The following STEAP4 variants were observed in gnomAD, a reference collection of about 807,000 sequenced individuals.
The protein encoded by STEAP4 is metalloreductase STEAP4.
STEAP4 carries 36 observed loss-of-function variants against 43.6 expected under a neutral mutation model. The observed-to-expected ratio is 0.83, with a 90% CI of 0.63 to 1.09. The LOEUF is 1.09. Ranked by LOEUF, STEAP4 falls within the 50% of genes least tolerant of loss-of-function variation. The pLI, the probability that STEAP4 is intolerant of heterozygous loss-of-function variation, is 0.00. For synonymous variants in STEAP4, 191 were observed against 196.7 expected, an observed-to-expected ratio of 0.97 and a Z score of 0.24; for missense variants, 495 against 546.5, an observed-to-expected ratio of 0.91 and a Z score of 0.94.
chr7:88,305,166 G>C (rs971089500), intron 1 of STEAP4, among the ~76,000 whole-genome samples: 1 of 152,164 alleles, frequency 6.6e-6, no homozygotes, highest in African/African-American at 2.4e-5. Flanking sequence ...CTTCAACAAT[G>C]TGAACAACGT....
intron 1 of STEAP4, among the ~76,000 whole-genome samples, chr7:88,294,323 A>G (rs1056232209): frequency 6.6e-6 from 1 of 152,124 alleles, no homozygotes; most frequent in Non-Finnish European, 1.5e-5. Context: ...GGTGTATATG[A>G]AACATAAATT....
Position 88,278,993 on chromosome 7 carries a change from T to A in STEAP4, c.*405A>T, listed in dbSNP as rs1448220765. 5 of 198,092 alleles carry A rather than the reference T, an allele frequency of 2.5e-5. No individual in the cohort carries two copies. Among genetic ancestry groups the A allele is most frequent in the African/African-American group, 1.2e-4 (5 of 42,966 alleles). 12.3% of individuals were successfully genotyped at this position (198,092 alleles called of 1,614,324 possible). On this transcript the variant is annotated 3_prime_UTR_variant, in exon 5 of 5. Coordinates refer to ENST00000380079, the MANE Select transcript of STEAP4 (RefSeq NM_024636.4). ...ATAAAGCCTTTATCAGTGGTCACCA[T>A]TGTGCTGTTTTTCCTTTCACTTAAC... is the stretch of plus-strand genomic sequence containing the variant.
chr7:88,304,640 TTGTGTGTG>T (rs148793788), intron 1 of STEAP4, among the ~76,000 whole-genome samples: 2 of 147,714 alleles, frequency 1.4e-5, no homozygotes, highest in South Asian at 2.2e-4. Context: ...GTTGCTGCTG[TTGTGTGTG>T]TGTGTGTGTG....
At chr7:88,289,090 GTGTT>G (rs1328680436) in intron 1 of STEAP4, among the ~76,000 whole-genome samples, 11 of 152,090 alleles carry the variant, frequency 7.2e-5, no homozygotes, top group South Asian at 6.2e-4. Context: ...GTATGTGTGT[GTGTT>G]TGTGTGTGTC....
At chr7:88,293,540 C>G (rs943115482) in intron 1 of STEAP4, among the ~76,000 whole-genome samples, 4 of 151,994 alleles carry the variant, frequency 2.6e-5, no homozygotes, top group African/African-American at 9.7e-5. Context: ...CTTCACAAAG[C>G]CCTAGGTCCT....
intron 1 of STEAP4, among the ~76,000 whole-genome samples, chr7:88,302,951 C>CAAAAAAA (rs35493493): frequency 7.8e-5 from 4 of 51,488 alleles, no homozygotes; most frequent in African/African-American, 3.1e-4. Flanking sequence ...GAGACTGTCT[C>CAAAAAAA]AAAAAAAAAA....
rs138996541 is a variant in STEAP4 at position 88,299,623 on chromosome 7, T to A, written c.-3+7169A>T. Among the ~76,000 whole-genome samples, 33 of 152,354 alleles carry A rather than the reference T, an allele frequency of 2.2e-4. No individual in the cohort carries two copies. The East Asian group carries it at 3.1e-3, about 14-fold the overall frequency. ...CATCAACTCCCCTAATATTTAGTGT[T>A]CATTAGTGGGTTTTGCTTTTCTAGG... On this transcript the variant is annotated intron_variant, in intron 1 of 4. Transcript: ENST00000380079.
chr7:88,295,382 A>G (rs188216427), intron 1 of STEAP4, among the ~76,000 whole-genome samples: 2 of 152,300 alleles, frequency 1.3e-5, no homozygotes, highest in East Asian at 1.9e-4. Context: ...GGGTTACACT[A>G]GAAACCAGTG....
At chr7:88,305,128 T>C (rs775765324) in intron 1 of STEAP4, among the ~76,000 whole-genome samples, 1 of 152,180 alleles carries the variant, frequency 6.6e-6, no homozygotes, top group African/African-American at 2.4e-5. Context: ...GGCCAGGCCT[T>C]GTACACCTGG....
rs781764701 is a variant in STEAP4 at position 88,279,574 on chromosome 7, C to T, written c.1204G>A (p.Gly402Ser). Residue 402 changes from glycine (G) to serine (S), a missense_variant, in exon 5 of 5, where the codon GGT becomes AGT. By Grantham distance (56) the Gly-to-Ser change is moderately conservative. Transcript: ENST00000380079. ...ILCTAHTLVYGGKRFLSPSNL... is the reference protein window; with the variant it reads ...ILCTAHTLVYSGKRFLSPSNL... ...GAAGGGCTGAGGAATCTCTTCCCACCGTACACCAGGGTGTGGGCTGTACAC... is the reference window on the plus strand; with the variant it reads ...GAAGGGCTGAGGAATCTCTTCCCACTGTACACCAGGGTGTGGGCTGTACAC... 1.3e-5 allele frequency: 21 copies of T among 1,613,784 alleles called. No homozygotes were observed. Among genetic ancestry groups the T allele is most frequent in the South Asian group, 8.8e-5 (8 of 91,074 alleles).
chr7:88,285,232 G>T (rs890874132), intron 1 of STEAP4, among the ~76,000 whole-genome samples: 2 of 152,090 alleles, frequency 1.3e-5, no homozygotes, highest in African/African-American at 4.8e-5. Flanking sequence ...ATACATGAAA[G>T]GATCCTACTT....
At chr7:88,279,776 A>G in intron 4 of STEAP4, 148 bp from the exon 5 acceptor site, 5 of 636,062 alleles carry the variant, frequency 7.9e-6, no homozygotes, top group Middle Eastern at 4.2e-4. Flanking sequence ...GAAAAAAAGC[A>G]CTAACCCTTC....
chr7:88,306,159 G>A (rs550731940), intron 1 of STEAP4, among the ~76,000 whole-genome samples: 1 of 152,278 alleles, frequency 6.6e-6, no homozygotes, highest in South Asian at 2.1e-4. Flanking sequence ...TTGAGCCACC[G>A]TACCCAGCCT....
At position 88,276,133 on chromosome 7, in the gene STEAP4, G is replaced by A. The variant is rs747294343; in HGVS notation, c.*3265C>T. ...CTCCAAATTCTCACAAAAATCCAGCGTGGGATAGTGCAGTCCTCCCCATTT... is the reference window on the plus strand; with the variant it reads ...CTCCAAATTCTCACAAAAATCCAGCATGGGATAGTGCAGTCCTCCCCATTT... On this transcript the variant is annotated 3_prime_UTR_variant, in exon 5 of 5. Transcript: ENST00000380079. 1 of 152,228 alleles carries A rather than the reference G, an allele frequency of 6.6e-6. No individual in the cohort carries two copies. Among genetic ancestry groups the A allele is most frequent in the Admixed American group, 6.6e-5 (1 of 15,260 alleles). The allele number at this position is 152,228 out of a possible 1,614,324, so 9.4% of individuals were successfully genotyped here. A position where few individuals can be genotyped will look rare whatever the true frequency, so the allele number is the denominator to read the frequency against.
At position 88,281,006 on chromosome 7, in the gene STEAP4, A is replaced by G; in HGVS notation, c.1058T>C (p.Ile353Thr). The change falls in exon 4 of 5, where the codon ATA (isoleucine) becomes ACA (threonine). Residue 353 changes from isoleucine to threonine, a missense_variant. By Grantham distance (89) the Ile-to-Thr change is moderately conservative. Coordinates refer to ENST00000380079, the MANE Select transcript of STEAP4 (RefSeq NM_024636.4). ...WLSDSYVALG[I>T]LGFFLFVLLG... The stretch of plus-strand genomic sequence containing the variant: ...GAGTACAAACAGAAAAAACCCAAGT[A>G]TTCCCAAAGCCACATATGAATCACT... The G allele has an allele frequency of 6.2e-7, 1 of 1,613,640 alleles. No individual in the cohort carries two copies. Among genetic ancestry groups the G allele is most frequent in the East Asian group, 2.2e-5 (1 of 44,798 alleles).
In STEAP4 at chr7:88,274,902, C is replaced by G. The variant is rs947289541; in HGVS notation, c.*4496G>C. 2.0e-5 allele frequency: 3 copies of G among 152,122 alleles called. No individual in the cohort carries two copies. The highest frequency in any genetic ancestry group is 1.3e-4 in the Admixed American group (2 of 15,272). The allele number at this position is 152,122 out of a possible 1,614,324, so 9.4% of individuals were successfully genotyped here. A position where few individuals can be genotyped will look rare whatever the true frequency, so the allele number is the denominator to read the frequency against. On this transcript the variant is annotated 3_prime_UTR_variant, in exon 5 of 5. Coordinates refer to ENST00000380079, the MANE Select transcript of STEAP4 (RefSeq NM_024636.4). ...TATATTATAATTAGCATATAATGAA[C>G]AGCTGAGACAGCCAAAGATCACTTT...
chr7:88,282,747 A>T lies in STEAP4; in HGVS notation c.878T>A (p.Leu293His). The T allele has an allele frequency of 6.2e-7, 1 of 1,614,154 alleles. No homozygotes were observed. The change falls in exon 3 of 5, where the codon CTT becomes CAT. Residue 293 changes from leucine to histidine, a missense_variant. Coordinates refer to ENST00000380079, the MANE Select transcript of STEAP4 (RefSeq NM_024636.4). ...GGCAAATCCCAGAGCTACCAAGCCAAGCTGCTTTCGGCAAAGCATCCAGTG... is the reference window on the plus strand; with the variant it reads ...GGCAAATCCCAGAGCTACCAAGCCATGCTGCTTTCGGCAAAGCATCCAGTG... ...LDHWMLCRKQ[L>H]GLVALGFAFL...
intron 1 of STEAP4, among the ~76,000 whole-genome samples, chr7:88,285,756 C>CAAAAAAAA (rs371254467): frequency 3.8e-5 from 3 of 78,234 alleles, no homozygotes; most frequent in Non-Finnish European, 7.5e-5. Context: ...GACTTTGTCT[C>CAAAAAAAA]AAAAAAAAAA....
chr7:88,280,415 A>G (rs530993150), intron 4 of STEAP4, among the ~76,000 whole-genome samples: 1 of 152,318 alleles, frequency 6.6e-6, no homozygotes, highest in South Asian at 2.1e-4. Context: ...TCCTGGTGCC[A>G]TATTTTGAGG....
Sources: allele counts gnomAD v4.1 joint callset (sites outside exome capture counted in the v4.1 genomes callset), GRCh38; gene constraint gnomAD v4.1.1; transcripts MANE v1.5; gene names NCBI Gene and HGNC (gene_info 2026-07-23, HGNC 2026-07-21).